The following CLINT1 variants were observed in gnomAD, a reference collection of about 807,000 sequenced individuals.
The protein encoded by CLINT1 is clathrin interacting protein localized in the trans-Golgi region.
In CLINT1, 15 loss-of-function variants were observed where a neutral mutation model predicts 70.4. The ratio of observed to expected loss-of-function variants is 0.21; its 90% CI spans 0.14 to 0.33. CLINT1 has a LOEUF of 0.33. Ranked by LOEUF, CLINT1 falls within the 10% of genes least tolerant of loss-of-function variation. CLINT1 has a pLI of 1.00. For missense variants in CLINT1, 615 were observed against 778.1 expected, an observed-to-expected ratio of 0.79 and a Z score of 2.49; for synonymous variants, 227 against 254.7, an observed-to-expected ratio of 0.89 and a Z score of 1.04.
In CLINT1 at chr5:157,787,084, A is replaced by G. The variant is rs1761747877; in HGVS notation, c.*562T>C. On this transcript the variant is annotated 3_prime_UTR_variant, in exon 12 of 12. Transcript: ENST00000411809. ...GCAGTGTTGCTGGAACATTAGCAAA[A>G]GTATATACATTCCAGTTACCTTTGA... The G allele has an allele frequency of 6.5e-6, 1 of 153,482 alleles. No homozygotes were observed. The highest frequency in any genetic ancestry group is 2.0e-4 in the South Asian group (1 of 4,882). 9.5% of individuals were successfully genotyped at this position (153,482 alleles called of 1,614,324 possible).
chr5:157,855,966 T>G (rs1753746006), intron 1 of CLINT1, among the ~76,000 whole-genome samples: 1 of 152,046 alleles, frequency 6.6e-6, no homozygotes, highest in Admixed American at 6.6e-5. Context: ...TCATTACACT[T>G]AAGAGCCGCT....
At chr5:157,814,722 T>C (rs1015743769) in intron 3 of CLINT1, among the ~76,000 whole-genome samples, 8 of 152,144 alleles carry the variant, frequency 5.3e-5, no homozygotes, top group Admixed American at 3.3e-4. Context: ...TGAGGTTAAT[T>C]ATGTGGCTTT....
At chr5:157,843,118 T>C (rs1753245888) in intron 1 of CLINT1, among the ~76,000 whole-genome samples, 1 of 152,068 alleles carries the variant, frequency 6.6e-6, no homozygotes, top group Non-Finnish European at 1.5e-5. Context: ...AGATAGCCAC[T>C]AAAAAAATTT....
chr5:157,856,444 A>G (rs1201349874), intron 1 of CLINT1, among the ~76,000 whole-genome samples: 1 of 152,256 alleles, frequency 6.6e-6, no homozygotes, highest in Non-Finnish European at 1.5e-5. Flanking sequence ...CTCTCATAGA[A>G]GCCCTCATTC....
At chr5:157,805,793 C>G (rs752803235) in intron 7 of CLINT1, 73 bp downstream of exon 7, 1 of 1,567,062 alleles carries the variant, frequency 6.4e-7, no homozygotes, top group South Asian at 1.2e-5. Flanking sequence ...CCCAAGCCTA[C>G]TAATGCAGGA....
intron 1 of CLINT1, among the ~76,000 whole-genome samples, chr5:157,850,757 G>A (rs1005804393): frequency 1.3e-5 from 2 of 151,434 alleles, no homozygotes; most frequent in Non-Finnish European, 2.9e-5. Context: ...ATAGAAAAAG[G>A]CTCAGTATGC....
chr5:157,811,077 T>C (rs1271910384), intron 5 of CLINT1, among the ~76,000 whole-genome samples: 1 of 152,210 alleles, frequency 6.6e-6, no homozygotes, highest in African/African-American at 2.4e-5. Context: ...ACAATGTGTA[T>C]GTACATTTCA....
In CLINT1 at chr5:157,813,153, C is replaced by A. The variant is rs775226376; in HGVS notation, c.427G>T (p.Asp143Tyr). ...TTCTTTCGCTCTTCACGAAGCCTGT[C>A]GTCATCCTGGGCAAATTCAACCAAT... ...KELVEFAQDD[D>Y]RLREERKKAK... The change falls in exon 5 of 12, where the codon GAC becomes TAC. Residue 143 changes from aspartate (D) to tyrosine (Y), a missense_variant. Coordinates refer to ENST00000411809, the MANE Select transcript of CLINT1 (RefSeq NM_014666.4). The A allele has an allele frequency of 6.2e-7, 1 of 1,613,706 alleles. No homozygotes were observed. The highest frequency in any genetic ancestry group is 8.5e-7 in the Non-Finnish European group (1 of 1,179,840).
intron 1 of CLINT1, among the ~76,000 whole-genome samples, chr5:157,833,826 A>G (rs1353568471): frequency 6.6e-6 from 1 of 151,908 alleles, no homozygotes; most frequent in Non-Finnish European, 1.5e-5. Flanking sequence ...CTGCAGTCCC[A>G]GCTACTCAGG....
intron 1 of CLINT1, among the ~76,000 whole-genome samples, chr5:157,845,390 C>A (rs1753335856): frequency 6.6e-6 from 1 of 151,688 alleles, no homozygotes; most frequent in Non-Finnish European, 1.5e-5. Context: ...AAATTAAGTA[C>A]TATAAATTTT....
At chr5:157,796,482 A>G (rs1437141497) in intron 8 of CLINT1, among the ~76,000 whole-genome samples, 1 of 152,202 alleles carries the variant, frequency 6.6e-6, no homozygotes, top group African/African-American at 2.4e-5. Context: ...TCACAACCTT[A>G]GAAGTCTACA....
intron 10 of CLINT1, 85 bp from the exon 11 acceptor site, chr5:157,789,598 A>G (rs1761839940): frequency 6.3e-7 from 1 of 1,578,704 alleles, no homozygotes; most frequent in Non-Finnish European, 8.7e-7. Flanking sequence ...CTAAAAATTA[A>G]GCATCTGTTC....
intron 1 of CLINT1, among the ~76,000 whole-genome samples, chr5:157,855,138 C>T (rs1316928736): frequency 3.6e-5 from 3 of 84,196 alleles, no homozygotes; most frequent in Admixed American, 1.8e-4. Context: ...AGTGAACTGT[C>T]TCCGAAAAAA....
In CLINT1 at chr5:157,828,544, A is replaced by T. The variant is rs191610967; in HGVS notation, c.42-10997T>A. ...GAAGAACCAAAAAAACCATATGAAA[A>T]CAGCTGTGTTAGAGTGGTAATAACT... On this transcript the variant is annotated intron_variant, in intron 1 of 11. Transcript: ENST00000411809. Among the ~76,000 whole-genome samples the T allele has an allele frequency of 1.4e-3, 208 of 152,224 alleles. 3 individuals are homozygous for T. Among genetic ancestry groups the T allele is most frequent in the African/African-American group, 4.8e-3 (199 of 41,528 alleles).
At chr5:157,819,731 T>A (rs1306030964) in intron 1 of CLINT1, among the ~76,000 whole-genome samples, 1 of 152,244 alleles carries the variant, frequency 6.6e-6, no homozygotes, top group Admixed American at 6.5e-5. Flanking sequence ...AGCATTTCAT[T>A]ACCAAGAATG....
At chr5:157,819,474 C>G (rs3777062) in intron 1 of CLINT1, among the ~76,000 whole-genome samples, 20,330 of 151,972 alleles carry the variant, frequency 0.13, 1,788 homozygotes, top group African/African-American at 0.25. Context: ...TCCAGTAATG[C>G]TTCTATTGCA....
chr5:157,821,788 G>A (rs1393394111), intron 1 of CLINT1, among the ~76,000 whole-genome samples: 3 of 151,940 alleles, frequency 2.0e-5, no homozygotes, highest in African/African-American at 7.3e-5. Flanking sequence ...TCTAATATTA[G>A]GCCAAAAAGA....
intron 10 of CLINT1, 120 bp downstream of exon 10, chr5:157,791,583 A>G: frequency 1.2e-6 from 1 of 857,546 alleles, no homozygotes; most frequent in African/African-American, 1.8e-5. Context: ...ACACAGACAC[A>G]TATTCATACA....
At chr5:157,821,481 G>GT (rs1762879007) in intron 1 of CLINT1, among the ~76,000 whole-genome samples, 2 of 152,142 alleles carry the variant, frequency 1.3e-5, no homozygotes, top group South Asian at 4.2e-4. Context: ...AAATGTTGCT[G>GT]TAATTTTTAC....
Sources: allele counts gnomAD v4.1 joint callset (sites outside exome capture counted in the v4.1 genomes callset), GRCh38; gene constraint gnomAD v4.1.1; transcripts MANE v1.5; gene names NCBI Gene and HGNC (gene_info 2026-07-23, HGNC 2026-07-21).